TNS4: variants seen among roughly 807,000 people sequenced by gnomAD.
The protein encoded by TNS4 is tensin-4.
Under a neutral mutation model 70.4 loss-of-function variants are expected in TNS4, and 46 were observed. The observed-to-expected ratio is 0.65, with a 90% confidence interval of 0.52 to 0.84. The LOEUF (loss-of-function observed/expected upper bound fraction) is 0.84. TNS4 is among the 40% of genes least tolerant of loss of function. The probability of loss-of-function intolerance (pLI) is 0.00; values close to 1 mark genes in which losing one functional copy is unlikely to be tolerated. For synonymous variants in TNS4, 390 were observed against 366.6 expected (o/e 1.06, Z -0.73); for missense variants, 863 against 907.0 (o/e 0.95, Z 0.62).
chr17:40,485,929 G>A (rs2035984260), intron 4 of TNS4, among the ~76,000 whole-genome samples: 1 of 152,252 alleles, frequency 6.6e-6, no homozygotes, highest in African/African-American at 2.4e-5. Flanking sequence ...ATTTTCTCCT[G>A]CTTGCCTCCA....
intron 2 of TNS4, among the ~76,000 whole-genome samples, chr17:40,490,731 TG>T (rs2036057947): frequency 6.6e-6 from 1 of 152,236 alleles, no homozygotes; most frequent in South Asian, 2.1e-4. Flanking sequence ...AGCCTAGCTT[TG>T]TAGCAAAACA....
chr17:40,488,826 G>T lies in TNS4; in HGVS notation c.583C>A (p.Arg195=). ...AAGATGAGGCTCTCACTGCTGCTTC[G>T]TGTCTCTCGGGGGACGTCTCTGGAA... The part of the protein sequence containing the change: ...LLSRDVPRET[R]SSSESLIFSG... The change falls in exon 3 of 13, where the codon CGA becomes AGA. Residue 195 remains arginine (R), a synonymous_variant. Transcript: ENST00000254051. 6.2e-7 allele frequency: 1 copy of T among 1,613,514 alleles called. No individual in the cohort carries two copies. Among genetic ancestry groups the T allele is most frequent in the South Asian group, 1.1e-5 (1 of 91,030 alleles).
In TNS4 at chr17:40,487,147, CT is replaced by C; in HGVS notation, c.1176del (p.Gly393AspfsTer47). 1.2e-6 allele frequency: 2 copies of C among 1,614,152 alleles called. No individual in the cohort carries two copies. The highest frequency in any genetic ancestry group is 1.7e-6 in the Non-Finnish European group (2 of 1,180,014). ...EPGSSPPQRT[P>X]GHQNSVQPGA... ...CCAGGTTGAACGGAGTTCTGGTGTCCTGGGGTCCGCTGGGGTGGAGAAGACC... is the reference window on the plus strand; with the variant it reads ...CCAGGTTGAACGGAGTTCTGGTGTCCGGGGTCCGCTGGGGTGGAGAAGACC... On this transcript the variant is annotated frameshift_variant, in exon 4 of 13. Coordinates refer to ENST00000254051, the MANE Select transcript of TNS4 (RefSeq NM_032865.6). LOFTEE classifies it high-confidence loss of function.
At position 40,496,065 on chromosome 17, in the gene TNS4, G is replaced by A. The variant is rs747461347; in HGVS notation, c.361C>T (p.Pro121Ser). ...TCAGCCTGGGAGCCCCCAGTCCCTG[G>A]GGGAAGCAGCTGGAAGGTGGGGTCC... ...ELDPTFQLLPPGTGGSQAELA... is the reference protein window; with the variant it reads ...ELDPTFQLLPSGTGGSQAELA... Residue 121 changes from proline (P) to serine (S), a missense_variant, in exon 2 of 13, where the codon CCA becomes TCA. Pro to Ser is a moderately conservative substitution (Grantham distance 74). Coordinates refer to ENST00000254051, the MANE Select transcript of TNS4 (RefSeq NM_032865.6). The A allele has an allele frequency of 2.6e-5, 42 of 1,613,244 alleles. No individual in the cohort carries two copies. The South Asian group carries it at 4.6e-4, about 18-fold the overall frequency.
Position 40,479,811 on chromosome 17 carries a change from G to T in TNS4, c.1773C>A (p.Ser591Arg). ...GCHTLYLSSV[S>R]VETLTGALAV... ...CCAGGGCTCCAGTCAGGGTCTCCAC[G>T]CTCACTGAGCTCAGGTACAGGGTGT... Residue 591 changes from serine (S) to arginine (R), a missense_variant, in exon 10 of 13, where the codon AGC (serine) becomes AGA (arginine). Transcript: ENST00000254051. The T allele has an allele frequency of 6.2e-7, 1 of 1,613,244 alleles. No individual in the cohort carries two copies. Among genetic ancestry groups the T allele is most frequent in the Non-Finnish European group, 8.5e-7 (1 of 1,179,770 alleles).
chr17:40,484,518 C>G lies in TNS4; in HGVS notation c.1467G>C (p.Val489=), dbSNP rs960120995. The G allele has an allele frequency of 6.2e-7, 1 of 1,612,302 alleles. No homozygotes were observed. ...TCTGAGCAGACGCGGGAACCTCCTGCACCTTCAGGGCCAGGCCGAAGGAGC... is the reference window on the plus strand; with the variant it reads ...TCTGAGCAGACGCGGGAACCTCCTGGACCTTCAGGGCCAGGCCGAAGGAGC... ...YRGSFGLALK[V]QEVPASAQSR... Residue 489 remains valine (V), a synonymous_variant, in exon 6 of 13, where the codon GTG becomes GTC. Coordinates refer to ENST00000254051, the MANE Select transcript of TNS4 (RefSeq NM_032865.6).
At chr17:40,489,785 A>C (rs1315833627) in intron 2 of TNS4, among the ~76,000 whole-genome samples, 1 of 120,234 alleles carries the variant, frequency 8.3e-6, no homozygotes, top group African/African-American at 3.4e-5. Flanking sequence ...ACAAGAGTGA[A>C]GCCCCATCTC....
At chr17:40,489,889 G>C (rs182492841) in intron 2 of TNS4, among the ~76,000 whole-genome samples, 35 of 151,726 alleles carry the variant, frequency 2.3e-4, no homozygotes, top group Admixed American at 2.2e-3. Flanking sequence ...ACCCCAGGCT[G>C]CGCCTTGTGC....
chr17:40,484,393 C>T, intron 6 of TNS4, 91 bp downstream of exon 6: 12 of 1,549,246 alleles, frequency 7.7e-6, no homozygotes, highest in South Asian at 5.8e-5. Context: ...CGCCATGTCA[C>T]CCTGAAAGCT....
At chr17:40,485,519 G>C (rs951010231) in intron 4 of TNS4, among the ~76,000 whole-genome samples, 1 of 152,254 alleles carries the variant, frequency 6.6e-6, no homozygotes, top group Non-Finnish European at 1.5e-5. Flanking sequence ...CCTGGATCTT[G>C]ACTCTGATAT....
intron 2 of TNS4, among the ~76,000 whole-genome samples, chr17:40,490,226 C>T (rs1381916029): frequency 2.0e-5 from 3 of 152,242 alleles, no homozygotes; most frequent in East Asian, 3.8e-4. Context: ...GCGCTCTTTC[C>T]ACTCCCTGGT....
chr17:40,486,902 C>T, intron 4 of TNS4, 134 bp downstream of exon 4: 1 of 1,180,476 alleles, frequency 8.5e-7, no homozygotes, highest in Non-Finnish European at 1.2e-6. Context: ...CTCTGTGTGT[C>T]CTCACTACCT....
intron 2 of TNS4, among the ~76,000 whole-genome samples, chr17:40,489,214 G>C (rs1002626914): frequency 6.6e-6 from 1 of 152,158 alleles, no homozygotes; most frequent in Non-Finnish European, 1.5e-5. Flanking sequence ...ACAGACCCAG[G>C]CTTCAGATCT....
At chr17:40,481,792 A>G (rs1038792245) in intron 8 of TNS4, among the ~76,000 whole-genome samples, 2 of 152,190 alleles carry the variant, frequency 1.3e-5, no homozygotes, top group African/African-American at 4.8e-5. Context: ...ACCTCTCCAA[A>G]CTATTTGATT....
At chr17:40,482,055 G>A in intron 8 of TNS4, 74 bp downstream of exon 8, 1 of 1,526,952 alleles carries the variant, frequency 6.5e-7, no homozygotes. Flanking sequence ...CAACAAGGTA[G>A]GAGTGAACCC....
At chr17:40,480,988 C>A in intron 8 of TNS4, 1 of 533,770 alleles carries the variant, frequency 1.9e-6, no homozygotes, top group Non-Finnish European at 3.3e-6. Context: ...CTCTTCATCC[C>A]CTCCTCGCCC....
At chr17:40,484,736 T>C in intron 5 of TNS4, 127 bp from the exon 6 acceptor site, 2 of 1,474,882 alleles carry the variant, frequency 1.4e-6, no homozygotes, top group Non-Finnish European at 1.8e-6. Flanking sequence ...CTTTGTACTG[T>C]CAAATCTCCA....
rs749633721 is a variant in TNS4, at chr17:40,488,962, C to T, written c.447G>A (p.Lys149=). The change falls in exon 3 of 13, where the codon AAG becomes AAA. Residue 149 remains lysine, a synonymous_variant. Coordinates refer to ENST00000254051, the MANE Select transcript of TNS4 (RefSeq NM_032865.6). ...ATCTGGCGGAGGTCACCTCGATGTA[C>T]TTTATGTCTTTGGGGGAGAAAAGCA... ...KKEESEALDI[K]YIEVTSARSR... 4 of 1,570,298 alleles carry T rather than the reference C, an allele frequency of 2.5e-6. No individual in the cohort carries two copies. The South Asian group carries it at 4.6e-5, about 18-fold the overall frequency.
intron 11 of TNS4, 74 bp from the exon 12 acceptor site, chr17:40,478,407 C>A: frequency 6.3e-7 from 1 of 1,581,996 alleles, no homozygotes; most frequent in Non-Finnish European, 8.6e-7. Context: ...AGCAGCAGGA[C>A]TGGCCAGCTG....
Sources: gnomAD v4.1 joint callset for allele counts (sites outside exome capture counted in the v4.1 genomes callset) on GRCh38, gnomAD v4.1.1 for gene constraint, MANE v1.5 for transcripts, NCBI Gene and HGNC (gene_info 2026-07-23, HGNC 2026-07-21) for gene names.